LRRC37A: variants seen among roughly 807,000 people sequenced by gnomAD.
LRRC37A encodes leucine-rich repeat-containing protein 37A.
Under a neutral mutation model 35.4 loss-of-function variants are expected in LRRC37A, and 3 were observed. The observed-to-expected ratio is 0.08, with a 90% CI of 0.04 to 0.22. The LOEUF (loss-of-function observed/expected upper bound fraction) is 0.22, where lower values mean the gene tolerates loss of function less well. Among genes scored for constraint, LRRC37A ranks in the 10% least tolerant of loss-of-function variants. The pLI is 1.00. For missense variants in LRRC37A, 67 were observed against 565.3 expected, an observed-to-expected ratio of 0.12 and a Z score of 8.94; for synonymous variants, 23 against 215.0, an observed-to-expected ratio of 0.11 and a Z score of 7.81.
At chr17:46,258,707 C>CTTGTTTTTTTTTTTTT in the LRRC37A span, among the ~76,000 whole-genome samples, 2 of 81,136 alleles carry the variant, frequency 2.5e-5, no homozygotes, top group African/African-American at 4.9e-5. Context: ...GACTATTATT[C>CTTGTTTTTTTTTTTTT]TTTTTTTTTT....
At chr17:46,267,578 G>T in the LRRC37A span, 3 of 1,611,656 alleles carry the variant, frequency 1.9e-6, no homozygotes, top group Admixed American at 5.0e-5. Flanking sequence ...TTGTAACGTG[G>T]GTGCCACAGC....
At chr17:46,258,882 T>TA in the LRRC37A span, among the ~76,000 whole-genome samples, 3 of 148,734 alleles carry the variant, frequency 2.0e-5, no homozygotes, top group African/African-American at 7.4e-5. Context: ...GCCCGGCTAA[T>TA]TTTTTTTTTG....
chr17:46,285,470 G>C, the LRRC37A span, among the ~76,000 whole-genome samples: 3 of 151,990 alleles, frequency 2.0e-5, no homozygotes, highest in Non-Finnish European at 4.4e-5. Flanking sequence ...TCAAACTCCT[G>C]ACCTCATGAT....
chr17:46,256,074 G>T, the LRRC37A span, among the ~76,000 whole-genome samples: 1 of 152,214 alleles, frequency 6.6e-6, no homozygotes, highest in African/African-American at 2.4e-5. Context: ...CCCCATGATG[G>T]GATGAGTGTC....
In LRRC37A at chr17:46,308,950, G is replaced by C. The variant is rs2143690862; in HGVS notation, c.2906+2641G>C. ...TTTTTTTAATGTTTTTACTAGATAA[G>C]GCTCAGGCCCCACAAAATCCTGAAA... is the stretch of plus-strand genomic sequence containing the variant. On this transcript the variant is annotated intron_variant, in intron 5 of 13. Transcript: ENST00000320254. 2.9e-5 allele frequency among the ~76,000 whole-genome samples: 2 copies of C among 68,332 alleles called. 1 individual carries two copies. Among genetic ancestry groups the C allele is most frequent in the Non-Finnish European group, 8.7e-5 (2 of 22,878 alleles). The allele number at this position is 68,332 out of a possible 152,430, so 44.8% of individuals were successfully genotyped here.
the LRRC37A span, chr17:46,267,166 C>A: frequency 3.5e-6 from 2 of 564,594 alleles, no homozygotes; most frequent in Non-Finnish European, 6.0e-6. Context: ...AGCCCGGCCG[C>A]CGCGCCGCCG....
chr17:46,271,258 T>A, the LRRC37A span, among the ~76,000 whole-genome samples: 1 of 150,580 alleles, frequency 6.6e-6, no homozygotes, highest in African/African-American at 2.4e-5. Flanking sequence ...CTCTCCCTCC[T>A]GGGTTCAAGT....
rs537521314 is a variant in LRRC37A at position 46,336,179 on chromosome 17, T to G, written c.4859+585T>G. Reference sequence around the variant, plus strand: ...CTCTTAAGTGGCAGGAAACAGTATTTTCTCTTTTATTTCTTTTTTTTTCCC... The same window carrying G: ...CTCTTAAGTGGCAGGAAACAGTATTGTCTCTTTTATTTCTTTTTTTTTCCC... On this transcript the variant is annotated intron_variant, in intron 11 of 13. Transcript: ENST00000320254. Among the ~76,000 whole-genome samples, 29 of 29,988 alleles carry G rather than the reference T, an allele frequency of 9.7e-4. 9 individuals are homozygous for G. Among genetic ancestry groups the G allele is most frequent in the African/African-American group, 1.2e-3 (25 of 20,604 alleles). The allele number at this position is 29,988 out of a possible 152,430, so 19.7% of individuals were successfully genotyped here.
chr17:46,250,965 C>T, the LRRC37A span, among the ~76,000 whole-genome samples: 1 of 152,072 alleles, frequency 6.6e-6, no homozygotes, highest in African/African-American at 2.4e-5. Context: ...CCTCTGTTGC[C>T]AAGGCTGGAT....
the LRRC37A span, among the ~76,000 whole-genome samples, chr17:46,264,653 G>A: frequency 2.0e-5 from 3 of 152,218 alleles, no homozygotes; most frequent in Non-Finnish European, 2.9e-5. Context: ...TGAACTCTTT[G>A]TACCTTCCAC....
chr17:46,262,344 C>A, the LRRC37A span, among the ~76,000 whole-genome samples: 2 of 150,910 alleles, frequency 1.3e-5, no homozygotes, highest in East Asian at 4.0e-4. Context: ...GATCTTCCTT[C>A]CTTTCTCCCT....
rs1195542671 is a variant in LRRC37A, at chr17:46,315,284, G to C, written c.2907-7038G>C. Among the ~76,000 whole-genome samples the C allele has an allele frequency of 4.7e-5, 4 of 84,920 alleles. 1 individual carries two copies. The highest frequency in any genetic ancestry group is 6.6e-5 in the Non-Finnish European group (2 of 30,440). The allele number at this position is 84,920 out of a possible 152,430, so 55.7% of individuals were successfully genotyped here. ...TCATACCTGTCATCCTAGCACTTTG[G>C]GAGGCTGCGGTGGGAGGATTGCTTG... On this transcript the variant is annotated intron_variant, in intron 5 of 13. Transcript: ENST00000320254.
chr17:46,302,460 G>T lies in LRRC37A; in HGVS notation c.2682-178G>T, dbSNP rs2050386545. Among the ~76,000 whole-genome samples, 2 of 70,946 alleles carry T rather than the reference G, an allele frequency of 2.8e-5. 1 individual carries two copies. The allele number at this position is 70,946 out of a possible 152,430, so 46.5% of individuals were successfully genotyped here. A position where few individuals can be genotyped will look rare whatever the true frequency, so the allele number is the denominator to read the frequency against. On this transcript the variant is annotated intron_variant, in intron 2 of 13. Transcript: ENST00000320254. Reference sequence around the variant, plus strand: ...GTGTGTGTGTGTGTTTGTGGTGGTGGTGGAGAGAGATGGACACAAAAAGGA... The same window carrying T: ...GTGTGTGTGTGTGTTTGTGGTGGTGTTGGAGAGAGATGGACACAAAAAGGA...
chr17:46,256,358 C>T, the LRRC37A span, among the ~76,000 whole-genome samples: 1 of 152,192 alleles, frequency 6.6e-6, no homozygotes, highest in Non-Finnish European at 1.5e-5. Flanking sequence ...GCACTCCAGC[C>T]TCCAACCTGG....
the LRRC37A span, among the ~76,000 whole-genome samples, chr17:46,284,224 A>G: frequency 3.3e-5 from 5 of 152,258 alleles, no homozygotes; most frequent in Non-Finnish European, 4.4e-5. Context: ...ATTTCAGACT[A>G]TCACATGGGG....
chr17:46,265,357 C>T, the LRRC37A span, among the ~76,000 whole-genome samples: 11 of 140,592 alleles, frequency 7.8e-5, no homozygotes, highest in Admixed American at 2.2e-4. Flanking sequence ...TTCTTCTCCT[C>T]CTTCTCCTTC....
chr17:46,265,484 C>CTTTTTTTTT, the LRRC37A span, among the ~76,000 whole-genome samples: 23 of 145,514 alleles, frequency 1.6e-4, no homozygotes, highest in Admixed American at 2.8e-4. Flanking sequence ...CTTCTTCTTT[C>CTTTTTTTTT]TTTTTTTTTC....
At chr17:46,285,297 A>G in the LRRC37A span, among the ~76,000 whole-genome samples, 1 of 142,562 alleles carries the variant, frequency 7.0e-6, no homozygotes, top group Admixed American at 7.3e-5. Flanking sequence ...CTGGAGTGCC[A>G]TGGCTCGATC....
chr17:46,315,400 G>T (rs1567869825), intron 5 of LRRC37A, among the ~76,000 whole-genome samples: 1 of 132,760 alleles, frequency 7.5e-6, no homozygotes, highest in Admixed American at 7.7e-5. Context: ...GGTGGCACAT[G>T]CCTGTAGTCA....
Sources: gnomAD v4.1 joint callset for allele counts (sites outside exome capture counted in the v4.1 genomes callset) on GRCh38, gnomAD v4.1.1 for gene constraint, MANE v1.5 for transcripts, NCBI Gene and HGNC (gene_info 2026-07-23, HGNC 2026-07-21) for gene names.